The following DNAH9 variants were observed in gnomAD, a reference collection of about 807,000 sequenced individuals.
DNAH9 encodes the protein dynein axonemal heavy chain 9, also known as DNAH9 variant protein.
DNAH9 carries 345 observed loss-of-function variants against 471.6 expected under a neutral mutation model. The observed-to-expected ratio is 0.73, with a 90% CI of 0.67 to 0.80. DNAH9 has a LOEUF of 0.80. Ranked by LOEUF, DNAH9 falls within the 30% of genes least tolerant of loss-of-function variation. The pLI is 0.00. For missense variants in DNAH9, 5,407 were observed against 5,609.2 expected (o/e 0.96, Z 1.15); for synonymous variants, 2,093 against 2,123.6 (o/e 0.99, Z 0.40).
Position 11,727,478 on chromosome 17 carries a change from G to T in DNAH9, c.5710-340G>T, listed in dbSNP as rs575580271. ...TTTCCATCAGTGCATGACAAAGGCT[G>T]GGTGGAAGGCTTTTTGTCTGTATAG... On this transcript the variant is annotated intron_variant, in intron 27 of 68. Transcript: ENST00000262442. 3.3e-5 allele frequency among the ~76,000 whole-genome samples: 5 copies of T among 152,222 alleles called. No individual in the cohort carries two copies. In the East Asian group the frequency reaches 9.7e-4, roughly 29 times the overall value.
In DNAH9 at chr17:11,704,245, G is replaced by A. The variant is rs1427964075; in HGVS notation, c.5194G>A (p.Gly1732Ser). The A allele has an allele frequency of 6.2e-7, 1 of 1,614,118 alleles. No homozygotes were observed. Among genetic ancestry groups the A allele is most frequent in the Non-Finnish European group, 8.5e-7 (1 of 1,179,974 alleles). The change falls in exon 25 of 69, where the codon GGC becomes AGC. Residue 1732 changes from glycine (G) to serine (S), a missense_variant. By Grantham distance (56) the Gly-to-Ser change is moderately conservative (BLOSUM62 0). Transcript: ENST00000262442. Reference protein sequence around the residue: ...CTQIWWTTEVGMAFARLEEGY... With the variant: ...CTQIWWTTEVSMAFARLEEGY... ...TCAGATCTGGTGGACAACAGAAGTG[G>A]GCATGGCATTTGCCAGGCTGGAGGA...
chr17:11,812,386 G>T (rs1474590655), intron 45 of DNAH9, among the ~76,000 whole-genome samples: 2 of 151,466 alleles, frequency 1.3e-5, no homozygotes, highest in Non-Finnish European at 2.9e-5. Context: ...AGTCTATCTA[G>T]TATATATAGA....
chr17:11,788,928 A>G (rs1968970696), intron 41 of DNAH9, among the ~76,000 whole-genome samples: 1 of 152,120 alleles, frequency 6.6e-6, no homozygotes, highest in Non-Finnish European at 1.5e-5. Flanking sequence ...ATAGTTTGCT[A>G]AGAGTTTTAA....
chr17:11,745,782 A>T (rs1411333795), intron 31 of DNAH9, among the ~76,000 whole-genome samples: 1 of 152,248 alleles, frequency 6.6e-6, no homozygotes, highest in Admixed American at 6.5e-5. Context: ...TGTATCATCT[A>T]TGGCATTCAA....
intron 68 of DNAH9, among the ~76,000 whole-genome samples, chr17:11,963,754 TA>T (rs2151454933): frequency 6.6e-6 from 1 of 152,318 alleles, no homozygotes; most frequent in African/African-American, 2.4e-5. Context: ...ATATAGCAAG[TA>T]AAGTCTCATG....
At chr17:11,825,816 GA>G (rs1303393293) in intron 48 of DNAH9, among the ~76,000 whole-genome samples, 3 of 152,214 alleles carry the variant, frequency 2.0e-5, no homozygotes, top group African/African-American at 7.2e-5. Flanking sequence ...ATACTATATG[GA>G]AAAGCATAAT....
Position 11,694,418 on chromosome 17 carries a change from A to G in DNAH9, c.4843A>G (p.Ile1615Val), listed in dbSNP as rs1367973553. The stretch of plus-strand genomic sequence containing the variant: ...TCTCTCCTCCTCCGATCTGTTAGAC[A>G]TCCTTTCCAACGGCACAGCTCCACA... The part of the protein sequence containing the change: ...YFLSSSDLLD[I>V]LSNGTAPQQV... Residue 1615 changes from isoleucine (I) to valine (V), a missense_variant, in exon 22 of 69, where the codon ATC becomes GTC. Around this residue, in one of 3 missense-constraint regions of DNAH9, gnomAD observed 4,636 missense variants for 4,900.3 expected, o/e 0.95. Transcript: ENST00000262442. 1 of 1,613,132 alleles carries G rather than the reference A, an allele frequency of 6.2e-7. No homozygotes were observed. The highest frequency in any genetic ancestry group is 8.5e-7 in the Non-Finnish European group (1 of 1,179,820).
chr17:11,709,079 C>T (rs1026153728), intron 26 of DNAH9, among the ~76,000 whole-genome samples: 11 of 152,280 alleles, frequency 7.2e-5, no homozygotes, highest in East Asian at 1.9e-4. Context: ...CCTTCGCAGT[C>T]GCCCAGGAAT....
At position 11,962,385 on chromosome 17, in the gene DNAH9, G is replaced by T; in HGVS notation, c.13233+129G>T. The T allele has an allele frequency of 7.2e-7, 1 of 1,383,822 alleles. No individual in the cohort carries two copies. The highest frequency in any genetic ancestry group is 9.5e-7 in the Non-Finnish European group (1 of 1,054,676). 85.7% of individuals were successfully genotyped at this position (1,383,822 alleles called of 1,614,324 possible). ...TCTCTAGCTAACCTTCTTTCCTTGA[G>T]GCCATCAGGCCATTTTTATTTAGCC... On this transcript the variant is annotated intron_variant, in intron 68 of 68. Coordinates refer to ENST00000262442, the MANE Select transcript of DNAH9 (RefSeq NM_001372.4). This position sits in a 1 kb window ranked among gnomAD's most constrained non-coding sequence, Gnocchi z 4.1.
At chr17:11,958,757 A>AG (rs1975817587) in intron 67 of DNAH9, among the ~76,000 whole-genome samples, 1 of 152,200 alleles carries the variant, frequency 6.6e-6, no homozygotes, top group African/African-American at 2.4e-5. Flanking sequence ...AAGTATATTA[A>AG]GAAAAGGCAT....
chr17:11,784,006 T>C (rs572312266), intron 40 of DNAH9, among the ~76,000 whole-genome samples: 2 of 152,186 alleles, frequency 1.3e-5, no homozygotes, highest in African/African-American at 4.8e-5. Context: ...TGAATGACTT[T>C]CCCAGGGCCA....
At chr17:11,601,110 G>A (rs998255051) in intron 1 of DNAH9, among the ~76,000 whole-genome samples, 3 of 152,158 alleles carry the variant, frequency 2.0e-5, no homozygotes, top group South Asian at 2.1e-4. Flanking sequence ...CATCCATATC[G>A]TCACCGCCTA....
chr17:11,877,804 G>A (rs369716501), intron 53 of DNAH9, among the ~76,000 whole-genome samples: 6 of 152,052 alleles, frequency 3.9e-5, no homozygotes, highest in Non-Finnish European at 7.4e-5. Context: ...GCGCTATCTC[G>A]GCTCACTGCA....
intron 48 of DNAH9, among the ~76,000 whole-genome samples, chr17:11,829,958 G>A (rs1970631961): frequency 6.6e-6 from 1 of 152,102 alleles, no homozygotes; most frequent in Non-Finnish European, 1.5e-5. Context: ...CTTAGTCTTT[G>A]GACAGTAGTC....
At chr17:11,872,869 A>G (rs531894514) in intron 52 of DNAH9, among the ~76,000 whole-genome samples, 7 of 152,324 alleles carry the variant, frequency 4.6e-5, no homozygotes, top group South Asian at 2.1e-4. Context: ...GCAGTGAGCC[A>G]AGATAGCACC....
At chr17:11,880,270 G>C (rs1308692128) in intron 54 of DNAH9, 70 bp downstream of exon 54, 1 of 1,572,186 alleles carries the variant, frequency 6.4e-7, no homozygotes, top group South Asian at 1.1e-5. Context: ...ATCATGAAGA[G>C]GTCTGCTCTT....
At chr17:11,756,520 G>T in intron 33 of DNAH9, 48 bp from the exon 34 acceptor site, 1 of 1,076,438 alleles carries the variant, frequency 9.3e-7, no homozygotes, top group Non-Finnish European at 1.4e-6. Context: ...AGGCTGGCAA[G>T]GCACCTCCCT....
rs1971226304 is a variant in DNAH9, at chr17:11,846,420, T to C, written c.9508-7583T>C. Among the ~76,000 whole-genome samples, 3 of 151,808 alleles carry C rather than the reference T, an allele frequency of 2.0e-5. No homozygotes were observed. In the South Asian group the frequency reaches 6.2e-4, roughly 32 times the overall value. ...GGTTACTGTAGCCTTGTAATATAGT[T>C]TGAAGTCAGGTAGCGTGATGCCTCC... is the stretch of plus-strand genomic sequence containing the variant. On this transcript the variant is annotated intron_variant, in intron 49 of 68. Coordinates refer to ENST00000262442, the MANE Select transcript of DNAH9 (RefSeq NM_001372.4).
At chr17:11,764,779 A>G (rs1452966238) in intron 36 of DNAH9, among the ~76,000 whole-genome samples, 2 of 152,192 alleles carry the variant, frequency 1.3e-5, no homozygotes, top group Non-Finnish European at 2.9e-5. Context: ...CAACAATAAC[A>G]ATAACAACGA....
Sources: gnomAD v4.1 joint callset for allele counts (sites outside exome capture counted in the v4.1 genomes callset) on GRCh38, gnomAD v4.1.1 for gene constraint, gnomAD v4.1.1 regional missense constraint, Gnocchi (gnomAD v3.1) non-coding constraint, MANE v1.5 for transcripts, NCBI Gene and HGNC (gene_info 2026-07-23, HGNC 2026-07-21) for gene names.